The following COL5A1 variants were observed in gnomAD, a reference collection of about 807,000 sequenced individuals.
The protein encoded by COL5A1 is collagen type V alpha 1 chain.
COL5A1 carries 16 observed loss-of-function variants against 263.7 expected under a neutral mutation model. The observed-to-expected ratio is 0.06, with a 90% confidence interval of 0.04 to 0.09. COL5A1 has a LOEUF of 0.09. Ranked by LOEUF, COL5A1 falls within the 10% of genes least tolerant of loss-of-function variation. The probability of loss-of-function intolerance (pLI) is 1.00; values close to 1 mark genes in which losing one functional copy is unlikely to be tolerated. For synonymous variants in COL5A1, 1,012 were observed against 1,004.5 expected (o/e 1.01, Z -0.14); for missense variants, 2,036 against 2,540.5 (o/e 0.80, Z 4.27).
At chr9:134,831,240 G>C (rs7868432) in intron 64 of COL5A1, among the ~76,000 whole-genome samples, 1,915 of 152,272 alleles carry the variant, frequency 0.013, 43 homozygotes, top group African/African-American at 0.044. Flanking sequence ...TAACCTGAAG[G>C]CATTCACAGC....
chr9:134,692,225 C>G (rs373305428), intron 2 of COL5A1, among the ~76,000 whole-genome samples: 29 of 152,294 alleles, frequency 1.9e-4, no homozygotes, highest in African/African-American at 6.7e-4. Context: ...GCCTGGGACC[C>G]CTGGCAGCCC....
intron 11 of COL5A1, among the ~76,000 whole-genome samples, chr9:134,744,195 A>G (rs1835389616): frequency 1.3e-5 from 2 of 152,198 alleles, no homozygotes; most frequent in African/African-American, 4.8e-5. Flanking sequence ...GGACACGCCA[A>G]TCCAGTCTCT....
Position 134,680,577 on chromosome 9 carries a change from T to C in COL5A1, c.110-10335T>C, listed in dbSNP as rs961276810. On this transcript the variant is annotated intron_variant, in intron 1 of 65. Coordinates refer to ENST00000371817, the MANE Select transcript of COL5A1 (RefSeq NM_000093.5). The surrounding 1 kb of genome is among the most constrained non-coding windows in gnomAD (Gnocchi z 5.9). ...CAAACTGCTGCTCTCTGCTGTACCA[T>C]GTCCGGTGAGGTCCTGAAGTGCAAA... Among the ~76,000 whole-genome samples the C allele has an allele frequency of 5.9e-5, 9 of 152,296 alleles. No individual in the cohort carries two copies. Among genetic ancestry groups the C allele is most frequent in the African/African-American group, 9.6e-5 (4 of 41,568 alleles).
intron 11 of COL5A1, among the ~76,000 whole-genome samples, chr9:134,743,942 C>T (rs2132665076): frequency 6.6e-6 from 1 of 152,282 alleles, no homozygotes; most frequent in South Asian, 2.1e-4. Context: ...TGTGGTCTCC[C>T]CAGGACCAGC....
At chr9:134,728,589 G>A (rs1377350921) in intron 5 of COL5A1, 81 bp from the exon 6 acceptor site, 1 of 1,596,726 alleles carries the variant, frequency 6.3e-7, no homozygotes, top group African/African-American at 1.3e-5. Context: ...GTGCAGATCT[G>A]GAGGTTGCGG....
At chr9:134,672,719 G>A (rs565122597) in intron 1 of COL5A1, among the ~76,000 whole-genome samples, 18 of 152,282 alleles carry the variant, frequency 1.2e-4, no homozygotes, top group Admixed American at 6.5e-4. Context: ...TGGAAAGGAT[G>A]AAGTAAAACT....
chr9:134,742,170 C>A lies in COL5A1; in HGVS notation c.1494+3362C>A, dbSNP rs116026825. 5.9e-3 allele frequency among the ~76,000 whole-genome samples: 895 copies of A among 152,334 alleles called. 9 individuals are homozygous for A. The highest frequency in any genetic ancestry group is 0.021 in the African/African-American group (863 of 41,584). ...GCCCTGCACACTCTCCCGCTGCTCC[C>A]CTTGGATGACCTTCCATGCTGCATC... is the stretch of plus-strand genomic sequence containing the variant. On this transcript the variant is annotated intron_variant, in intron 11 of 65. Coordinates refer to ENST00000371817, the MANE Select transcript of COL5A1 (RefSeq NM_000093.5). This position sits in a 1 kb window ranked among gnomAD's most constrained non-coding sequence, Gnocchi z 4.6.
intron 36 of COL5A1, 108 bp downstream of exon 36, chr9:134,797,009 C>T (rs1837937020): frequency 2.5e-6 from 3 of 1,199,684 alleles, no homozygotes; most frequent in Non-Finnish European, 3.7e-6. Context: ...GAGCTCCTCA[C>T]AGTGGCCGGT....
intron 1 of COL5A1, among the ~76,000 whole-genome samples, chr9:134,659,136 G>A (rs973755245): frequency 6.6e-6 from 1 of 152,138 alleles, no homozygotes; most frequent in Non-Finnish European, 1.5e-5. Flanking sequence ...GCTCAGGCCT[G>A]TAATCCCAGC....
chr9:134,838,441 G>A (rs926559456), intron 65 of COL5A1, among the ~76,000 whole-genome samples: 2 of 152,232 alleles, frequency 1.3e-5, no homozygotes, highest in African/African-American at 2.4e-5. Context: ...TGGCACTTCT[G>A]GGGTGAGATC....
At chr9:134,840,677 G>C (rs1042710535) in intron 65 of COL5A1, among the ~76,000 whole-genome samples, 1 of 152,134 alleles carries the variant, frequency 6.6e-6, no homozygotes, top group Non-Finnish European at 1.5e-5. Context: ...GAAATTTGTC[G>C]CCCACAGTTC....
In COL5A1 at chr9:134,749,676, C is replaced by T. The variant is rs139448802; in HGVS notation, c.1495-866C>T. 3.1e-3 allele frequency among the ~76,000 whole-genome samples: 474 copies of T among 152,300 alleles called. 4 individuals are homozygous for T. Among genetic ancestry groups the T allele is most frequent in the Non-Finnish European group, 5.7e-3 (385 of 68,038 alleles). The stretch of plus-strand genomic sequence containing the variant: ...CGGAAGACTGCAGCCAGCACCCATC[C>T]GCTACACTGGAGTGTAACTGGAGTG... On this transcript the variant is annotated intron_variant, in intron 11 of 65. Coordinates refer to ENST00000371817, the MANE Select transcript of COL5A1 (RefSeq NM_000093.5).
intron 63 of COL5A1, 103 bp from the exon 64 acceptor site, chr9:134,829,873 C>T (rs1184927705): frequency 7.7e-6 from 10 of 1,297,210 alleles, no homozygotes; most frequent in Middle Eastern, 2.6e-4. Context: ...CGTGAGGATG[C>T]AGGCGCGGGG....
chr9:134,666,533 G>C (rs1193968641), intron 1 of COL5A1, among the ~76,000 whole-genome samples: 1 of 152,236 alleles, frequency 6.6e-6, no homozygotes, highest in African/African-American at 2.4e-5. Context: ...AGGTTGGGCT[G>C]GCCAGGGACA....
Position 134,765,728 on chromosome 9 carries a change from A to G in COL5A1, c.2082A>G (p.Gly694=). 1 of 1,611,878 alleles carries G rather than the reference A, an allele frequency of 6.2e-7. No homozygotes were observed. Among genetic ancestry groups the G allele is most frequent in the Non-Finnish European group, 8.5e-7 (1 of 1,178,910 alleles). Residue 694 remains glycine (G), a synonymous_variant, in exon 21 of 66, where the codon GGA becomes GGG. Transcript: ENST00000371817. This position sits in a 1 kb window ranked among gnomAD's most constrained non-coding sequence, Gnocchi z 5.1. ...CGAAGGGGCCCCCAGGTCCTCCCGG[A>G]CCTCCCGTAAGTCCCATTACCGCCC... ...LGPKGPPGPP[G]PPGVTGMDGQ...
rs748196212 is a variant in COL5A1 at position 134,696,660 on chromosome 9, C to T, written c.278-3249C>T. Among the ~76,000 whole-genome samples, 44 of 152,326 alleles carry T rather than the reference C, an allele frequency of 2.9e-4. No homozygotes were observed. The highest frequency in any genetic ancestry group is 2.1e-3 in the East Asian group (11 of 5,190). On this transcript the variant is annotated intron_variant, in intron 2 of 65. Transcript: ENST00000371817. This position sits in a 1 kb window ranked among gnomAD's most constrained non-coding sequence, Gnocchi z 4.3. ...CACGTGATCCACTGTAGTGAGCAAT[C>T]GGTATGCTTAGTAACTGTCGGCTCA...
chr9:134,713,747 C>T (rs1293026401), intron 4 of COL5A1, among the ~76,000 whole-genome samples: 1 of 152,088 alleles, frequency 6.6e-6, no homozygotes, highest in Non-Finnish European at 1.5e-5. Context: ...TCACAGGTGG[C>T]GTTAGGGACA....
chr9:134,759,273 C>CACACA lies in COL5A1; in HGVS notation c.1935+978_1935+982dup, dbSNP rs1242874927. The stretch of plus-strand genomic sequence containing the variant: ...ACATGTGTGCGCGCACACACTCATA[C>CACACA]ACACATGCACACACACGCATACACA... On this transcript the variant is annotated intron_variant, in intron 18 of 65. Coordinates refer to ENST00000371817, the MANE Select transcript of COL5A1 (RefSeq NM_000093.5). Among the ~76,000 whole-genome samples the CACACA allele has an allele frequency of 1.8e-3, 250 of 136,490 alleles. 2 individuals are homozygous for CACACA. The highest frequency in any genetic ancestry group is 0.011 in the Middle Eastern group (3 of 274). The allele number at this position is 136,490 out of a possible 152,430, so 89.5% of individuals were successfully genotyped here. A position where few individuals can be genotyped will look rare whatever the true frequency, so the allele number is the denominator to read the frequency against.
At chr9:134,687,036 T>C (rs920234731) in intron 1 of COL5A1, among the ~76,000 whole-genome samples, 1 of 152,044 alleles carries the variant, frequency 6.6e-6, no homozygotes, top group African/African-American at 2.4e-5. Context: ...CCATTTGGGG[T>C]TGCACCACCA....
Sources: gnomAD v4.1 joint callset for allele counts (sites outside exome capture counted in the v4.1 genomes callset) on GRCh38, gnomAD v4.1.1 for gene constraint, Gnocchi (gnomAD v3.1) non-coding constraint, MANE v1.5 for transcripts, NCBI Gene and HGNC (gene_info 2026-07-23, HGNC 2026-07-21) for gene names.